Variants in GLIS3 observed in about 807,000 individuals in gnomAD.
The protein encoded by GLIS3 is zinc finger protein GLIS3.
GLIS3 carries 53 observed loss-of-function variants against 78.6 expected under a neutral mutation model. The observed-to-expected ratio is 0.67, with a 90% confidence interval of 0.54 to 0.85. The LOEUF is 0.85. Among genes scored for constraint, GLIS3 ranks in the 40% least tolerant of loss-of-function variants. The pLI, the probability that GLIS3 is intolerant of heterozygous loss-of-function variation, is 0.00. For synonymous variants in GLIS3, 684 were observed against 509.9 expected (o/e 1.34, Z -4.60); for missense variants, 1,703 against 1,231.1 (o/e 1.38, Z -5.74).
chr9:4,350,467 C>A (rs1237929763), upstream of GLIS3, among the ~76,000 whole-genome samples: 1 of 152,172 alleles, frequency 6.6e-6, no homozygotes, highest in African/African-American at 2.4e-5. Context: ...CTTTAAACTG[C>A]ATTTTCACTA....
At chr9:4,232,322 A>G (rs1408775588) in intron 2 of GLIS3, among the ~76,000 whole-genome samples, 1 of 149,878 alleles carries the variant, frequency 6.7e-6, no homozygotes, top group Non-Finnish European at 1.5e-5. Context: ...TCAAGGCTGC[A>G]GTGAGCTATG....
At chr9:4,231,653 C>T (rs757804048) in intron 2 of GLIS3, among the ~76,000 whole-genome samples, 3 of 152,154 alleles carry the variant, frequency 2.0e-5, no homozygotes, top group Admixed American at 2.0e-4. Context: ...AAATAAACGT[C>T]AAGGCCAACA....
chr9:4,091,843 G>C (rs531465098), intron 4 of GLIS3, among the ~76,000 whole-genome samples: 3 of 152,036 alleles, frequency 2.0e-5, no homozygotes, highest in Non-Finnish European at 4.4e-5. Flanking sequence ...GAATAATACA[G>C]TAAGTATCTG....
chr9:4,425,096 G>A, the GLIS3 span, among the ~76,000 whole-genome samples: 3 of 152,008 alleles, frequency 2.0e-5, no homozygotes, highest in Non-Finnish European at 2.9e-5. Flanking sequence ...AGCAGCCCCC[G>A]AAGTTTAGAA....
chr9:4,182,829 A>G (rs533491587), intron 2 of GLIS3, among the ~76,000 whole-genome samples: 2 of 152,340 alleles, frequency 1.3e-5, no homozygotes, highest in East Asian at 3.9e-4. Context: ...CTGAACACCT[A>G]CCATGAGTAA....
At chr9:4,133,520 G>A (rs764064086) in intron 2 of GLIS3, among the ~76,000 whole-genome samples, 1 of 152,122 alleles carries the variant, frequency 6.6e-6, no homozygotes, top group Non-Finnish European at 1.5e-5. Flanking sequence ...CAGTAGCTAA[G>A]AGCCATAGAT....
intron 2 of GLIS3, among the ~76,000 whole-genome samples, chr9:4,153,939 T>A (rs1564125578): frequency 6.6e-6 from 1 of 152,174 alleles, no homozygotes; most frequent in Non-Finnish European, 1.5e-5. Flanking sequence ...TGCAGTCACA[T>A]GTCACCTAGG....
At chr9:4,329,290 AT>A (rs771411978) in intron 2 of GLIS3, among the ~76,000 whole-genome samples, 1 of 152,160 alleles carries the variant, frequency 6.6e-6, no homozygotes. Context: ...GTGCAGTGCC[AT>A]TTTTTCCCAT....
At chr9:4,488,475 C>T in the GLIS3 span, among the ~76,000 whole-genome samples, 1 of 151,830 alleles carries the variant, frequency 6.6e-6, no homozygotes, top group East Asian at 1.9e-4. Context: ...TTTTTTCCAG[C>T]TGTTTTTTTA....
At chr9:4,168,294 C>T (rs1816055213) in intron 2 of GLIS3, among the ~76,000 whole-genome samples, 1 of 151,988 alleles carries the variant, frequency 6.6e-6, no homozygotes, top group African/African-American at 2.4e-5. Context: ...GGGTTTTTTT[C>T]CTAATTATAC....
In GLIS3 at chr9:3,828,165, C is replaced by G. The variant is rs148228608; in HGVS notation, c.*107G>C. The G allele has an allele frequency of 5.2e-6, 7 of 1,337,986 alleles. No individual in the cohort carries two copies. In the South Asian group the frequency reaches 5.9e-5, roughly 11 times the overall value. The allele number at this position is 1,337,986 out of a possible 1,614,324, so 82.9% of individuals were successfully genotyped here. A position where few individuals can be genotyped will look rare whatever the true frequency, so the allele number is the denominator to read the frequency against. On this transcript the variant is annotated 3_prime_UTR_variant, in exon 11 of 11. Coordinates refer to ENST00000381971, the MANE Select transcript of GLIS3 (RefSeq NM_001042413.2). The stretch of plus-strand genomic sequence containing the variant: ...AGAACATCAGTAACTCTGCAGGGCC[C>G]GCTGATTGGGCTGACATCCTTCCTC...
chr9:4,336,027 T>C (rs1338049684), intron 2 of GLIS3, among the ~76,000 whole-genome samples: 1 of 152,220 alleles, frequency 6.6e-6, no homozygotes, highest in Non-Finnish European at 1.5e-5. Flanking sequence ...GATGATGTGC[T>C]GTGAGATCTT....
chr9:3,903,917 G>A (rs1401520946), intron 6 of GLIS3, among the ~76,000 whole-genome samples: 1 of 152,116 alleles, frequency 6.6e-6, no homozygotes, highest in Non-Finnish European at 1.5e-5. Context: ...TTTCAAGGAG[G>A]TCAGCATGGC....
chr9:4,348,130 T>C (rs964799992), intron 1 of GLIS3: 4 of 152,264 alleles, frequency 2.6e-5, no homozygotes, highest in African/African-American at 7.2e-5. Context: ...GCATAACTTA[T>C]AACAGCAAAA....
chr9:4,354,742 T>C, the GLIS3 span, among the ~76,000 whole-genome samples: 1 of 152,046 alleles, frequency 6.6e-6, no homozygotes, highest in Non-Finnish European at 1.5e-5. Context: ...CAGATGACAC[T>C]CTCCCTCTAG....
At chr9:4,279,362 CAT>C (rs1292858426) in intron 2 of GLIS3, among the ~76,000 whole-genome samples, 786 of 47,772 alleles carry the variant, frequency 0.016, 15 homozygotes, top group South Asian at 0.028. Flanking sequence ...CACACACACA[CAT>C]AATACATATT....
At chr9:4,272,153 C>A (rs759572322) in intron 2 of GLIS3, among the ~76,000 whole-genome samples, 8 of 152,136 alleles carry the variant, frequency 5.3e-5, no homozygotes, top group Non-Finnish European at 5.9e-5. Context: ...TAATTGCCTA[C>A]CTGACTGCAC....
intron 2 of GLIS3, among the ~76,000 whole-genome samples, chr9:4,230,326 G>A (rs148831296): frequency 9.8e-5 from 15 of 152,328 alleles, no homozygotes; most frequent in Non-Finnish European, 1.6e-4. Context: ...GCAGGCAGGG[G>A]CAACAGAGAA....
intron 1 of GLIS3, among the ~76,000 whole-genome samples, chr9:4,287,391 C>G (rs1187335576): frequency 6.6e-6 from 1 of 152,194 alleles, no homozygotes; most frequent in Non-Finnish European, 1.5e-5. Flanking sequence ...GACATGATCG[C>G]AGGACGTCAT....
Sources: gnomAD v4.1 joint callset for allele counts (sites outside exome capture counted in the v4.1 genomes callset) on GRCh38, gnomAD v4.1.1 for gene constraint, MANE v1.5 for transcripts, NCBI Gene and HGNC (gene_info 2026-07-23, HGNC 2026-07-21) for gene names.